CDH4: variants seen among roughly 807,000 people sequenced by gnomAD.
CDH4 encodes cadherin-4.
In CDH4, 33 loss-of-function variants were observed where a neutral mutation model predicts 86.0. The observed-to-expected ratio is 0.38, with a 90% CI of 0.29 to 0.51. CDH4 has a LOEUF of 0.51. Among genes scored for constraint, CDH4 ranks in the 20% least tolerant of loss-of-function variants. The pLI is 0.86. For synonymous variants in CDH4, 555 were observed against 549.4 expected (o/e 1.01, Z -0.14); for missense variants, 1,114 against 1,307.4 (o/e 0.85, Z 2.28).
chr20:61,722,626 C>T (rs939988664), intron 2 of CDH4, among the ~76,000 whole-genome samples: 1 of 147,084 alleles, frequency 6.8e-6, no homozygotes, highest in Non-Finnish European at 1.5e-5. Flanking sequence ...CAGGGCAGGG[C>T]GCCCCCCCAC....
intron 2 of CDH4, among the ~76,000 whole-genome samples, chr20:61,385,042 C>T (rs1029249612): frequency 6.6e-6 from 1 of 152,130 alleles, no homozygotes; most frequent in Non-Finnish European, 1.5e-5. Flanking sequence ...TTTGCATTAG[C>T]GATTGCCAAG....
At position 61,341,161 on chromosome 20, in the gene CDH4, C is replaced by G. The variant is rs182919760; in HGVS notation, c.169+86224C>G. 3.5e-3 allele frequency among the ~76,000 whole-genome samples: 538 copies of G among 152,328 alleles called. 3 individuals carry two copies. Among genetic ancestry groups the G allele is most frequent in the African/African-American group, 0.012 (500 of 41,570 alleles). On this transcript the variant is annotated intron_variant, in intron 2 of 15. Coordinates refer to ENST00000614565, the MANE Select transcript of CDH4 (RefSeq NM_001794.5). ...GTGCAAGCATGAGATAAACACATTTCAAGATGTGAGTGCTGTTGCAGTGTG... is the reference window on the plus strand; with the variant it reads ...GTGCAAGCATGAGATAAACACATTTGAAGATGTGAGTGCTGTTGCAGTGTG...
chr20:61,884,700 C>G (rs529703579), intron 7 of CDH4, among the ~76,000 whole-genome samples: 25 of 152,276 alleles, frequency 1.6e-4, no homozygotes, highest in African/African-American at 5.8e-4. Flanking sequence ...TCGGGGGCGG[C>G]TGCTGCTAGT....
intron 2 of CDH4, among the ~76,000 whole-genome samples, chr20:61,555,989 G>T (rs143997258): frequency 1.3e-5 from 2 of 152,224 alleles, no homozygotes; most frequent in African/African-American, 4.8e-5. Flanking sequence ...TGTATGTACC[G>T]CCCTGTGGCT....
rs867480005 is a variant in CDH4, at chr20:61,656,248, C to T, written c.170-87315C>T. ...AGGCGCGTGCTGGGGTGGGCAGGCG[C>T]GTGCTGGGGTGGGCAGGCGCGTGCT... On this transcript the variant is annotated intron_variant, in intron 2 of 15. Coordinates refer to ENST00000614565, the MANE Select transcript of CDH4 (RefSeq NM_001794.5). Among the ~76,000 whole-genome samples, 365 of 133,210 alleles carry T rather than the reference C, an allele frequency of 2.7e-3. 3 individuals are homozygous for T. The highest frequency in any genetic ancestry group is 9.1e-3 in the African/African-American group (322 of 35,378). The allele number at this position is 133,210 out of a possible 152,430, so 87.4% of individuals were successfully genotyped here. A position where few individuals can be genotyped will look rare whatever the true frequency, so the allele number is the denominator to read the frequency against.
rs2085828149 is a variant in CDH4, at chr20:61,517,191, G to A, written c.170-226372G>A. Among the ~76,000 whole-genome samples the A allele has an allele frequency of 6.6e-6, 1 of 152,096 alleles. No homozygotes were observed. Among genetic ancestry groups the A allele is most frequent in the Non-Finnish European group, 1.5e-5 (1 of 68,018 alleles). ...GCCTGACTTTGAACTTCGGGTAAAT[G>A]GAATCCCTTTTTGTTTTTAGAAATG... On this transcript the variant is annotated intron_variant, in intron 2 of 15. Transcript: ENST00000614565. This position sits in a 1 kb window ranked among gnomAD's most constrained non-coding sequence, Gnocchi z 6.6.
chr20:61,305,572 GATTCTTTTCA>G (rs2084412258), intron 2 of CDH4, among the ~76,000 whole-genome samples: 1 of 152,190 alleles, frequency 6.6e-6, no homozygotes, highest in South Asian at 2.1e-4. Flanking sequence ...AAACTCCCTT[GATTCTTTTCA>G]ATTCTCTTGA....
intron 2 of CDH4, among the ~76,000 whole-genome samples, chr20:61,294,277 C>A (rs1355511956): frequency 2.0e-5 from 3 of 152,222 alleles, no homozygotes; most frequent in African/African-American, 7.2e-5. Context: ...GGGCTGCTGA[C>A]CTGCTAGAGC....
intron 2 of CDH4, among the ~76,000 whole-genome samples, chr20:61,385,250 T>G (rs2084944553): frequency 6.6e-6 from 1 of 152,148 alleles, no homozygotes; most frequent in African/African-American, 2.4e-5. Flanking sequence ...ATACGGAGGA[T>G]GTGCACTTTG....
chr20:61,672,281 G>A (rs959090292), intron 2 of CDH4, among the ~76,000 whole-genome samples: 6 of 151,832 alleles, frequency 4.0e-5, no homozygotes, highest in Admixed American at 1.3e-4. Flanking sequence ...ACAGATGAAC[G>A]GGTGAGTGGA....
At chr20:61,291,127 C>A (rs560821914) in intron 2 of CDH4, among the ~76,000 whole-genome samples, 1 of 152,152 alleles carries the variant, frequency 6.6e-6, no homozygotes, top group Non-Finnish European at 1.5e-5. Context: ...CGAGTGAGAA[C>A]CTCTCTTTTC....
chr20:61,870,906 G>C (rs1276302776), intron 6 of CDH4, among the ~76,000 whole-genome samples: 2 of 152,200 alleles, frequency 1.3e-5, no homozygotes, highest in African/African-American at 4.8e-5. Flanking sequence ...GCAGGTGTTT[G>C]TTCTGGTGTT....
At chr20:61,379,269 T>G (rs1310841135) in intron 2 of CDH4, among the ~76,000 whole-genome samples, 1 of 151,862 alleles carries the variant, frequency 6.6e-6, no homozygotes, top group Non-Finnish European at 1.5e-5. Context: ...TTGGAGTGAG[T>G]GCCTTGGCTG....
intron 2 of CDH4, among the ~76,000 whole-genome samples, chr20:61,692,086 T>C (rs1019390451): frequency 3.3e-5 from 5 of 151,874 alleles, no homozygotes; most frequent in African/African-American, 1.2e-4. Context: ...TAAAGATGTG[T>C]GTGTGTATGT....
intron 2 of CDH4, among the ~76,000 whole-genome samples, chr20:61,717,252 G>A (rs1004497275): frequency 6.6e-6 from 1 of 152,206 alleles, no homozygotes; most frequent in Non-Finnish European, 1.5e-5. Flanking sequence ...GCCCAGGACA[G>A]CCACAGGGCC....
At chr20:61,705,523 C>T (rs1306796410) in intron 2 of CDH4, among the ~76,000 whole-genome samples, 1 of 152,216 alleles carries the variant, frequency 6.6e-6, no homozygotes, top group Non-Finnish European at 1.5e-5. Context: ...TCTCAGAGTC[C>T]TCGGCCCATG....
chr20:61,501,919 A>G lies in CDH4; in HGVS notation c.170-241644A>G, dbSNP rs2085704259. 6.6e-6 allele frequency among the ~76,000 whole-genome samples: 1 copy of G among 152,136 alleles called. No homozygotes were observed. The highest frequency in any genetic ancestry group is 6.5e-5 in the Admixed American group (1 of 15,280). On this transcript the variant is annotated intron_variant, in intron 2 of 15. Coordinates refer to ENST00000614565, the MANE Select transcript of CDH4 (RefSeq NM_001794.5). This position sits in a 1 kb window ranked among gnomAD's most constrained non-coding sequence, Gnocchi z 4.2. Reference sequence around the variant, plus strand: ...CTCCACTCCCCCAGCTCCTCTGAGGAATGCCTGAGTGAGGACCCCGTGTAA... The same window carrying G: ...CTCCACTCCCCCAGCTCCTCTGAGGGATGCCTGAGTGAGGACCCCGTGTAA...
In CDH4 at chr20:61,527,540, G is replaced by A. The variant is rs1383257469; in HGVS notation, c.170-216023G>A. Among the ~76,000 whole-genome samples, 8 of 152,084 alleles carry A rather than the reference G, an allele frequency of 5.3e-5. No homozygotes were observed. In the East Asian group the frequency reaches 5.8e-4, roughly 11 times the overall value. On this transcript the variant is annotated intron_variant, in intron 2 of 15. Transcript: ENST00000614565. ...GCTGGGATTACAGACATGAGCCACC[G>A]CGTCCGGCCACTATATTTTTTTAAG...
rs908213353 is a variant in CDH4, at chr20:61,783,549, C to CTG, written c.576+10370_576+10371dup. Among the ~76,000 whole-genome samples the CTG allele has an allele frequency of 2.1e-5, 3 of 144,874 alleles. 1 individual carries two copies. The highest frequency in any genetic ancestry group is 6.9e-5 in the Admixed American group (1 of 14,554). On this transcript the variant is annotated intron_variant, in intron 4 of 15. Coordinates refer to ENST00000614565, the MANE Select transcript of CDH4 (RefSeq NM_001794.5). ...ATAGTTCTCAAGGCCCTCCGATATC[C>CTG]TGTGCCCCTGGGAGAAATGTAAGCC...
Sources: gnomAD v4.1 joint callset for allele counts (sites outside exome capture counted in the v4.1 genomes callset) on GRCh38, gnomAD v4.1.1 for gene constraint, Gnocchi (gnomAD v3.1) non-coding constraint, MANE v1.5 for transcripts, NCBI Gene and HGNC (gene_info 2026-07-23, HGNC 2026-07-21) for gene names.